Variants in HAUS6 observed in about 807,000 individuals in gnomAD.
The protein encoded by HAUS6 is HAUS augmin-like complex subunit 6.
Under a neutral mutation model 106.8 loss-of-function variants are expected in HAUS6, and 80 were observed. That is an observed-to-expected ratio of 0.75 (90% CI 0.63 to 0.90). The LOEUF (loss-of-function observed/expected upper bound fraction) is 0.90. Among genes scored for constraint, HAUS6 ranks in the 40% least tolerant of loss-of-function variants. The pLI is 0.00. For missense variants in HAUS6, 1,155 were observed against 1,118.1 expected (o/e 1.03, Z -0.47); for synonymous variants, 356 against 379.1 (o/e 0.94, Z 0.71).
chr9:19,080,811 T>C, intron 8 of HAUS6, 139 bp from the exon 9 acceptor site: 1 of 592,866 alleles, frequency 1.7e-6, no homozygotes, highest in Non-Finnish European at 2.9e-6. Flanking sequence ...CTCACACCTG[T>C]AATCCCAGCA....
At chr9:19,068,116 T>C (rs886364632) in intron 12 of HAUS6, among the ~76,000 whole-genome samples, 1 of 151,940 alleles carries the variant, frequency 6.6e-6, no homozygotes, top group Non-Finnish European at 1.5e-5. Context: ...AATATTTAGT[T>C]TGCTCCCTCA....
chr9:19,091,091 G>A (rs1817735038), intron 4 of HAUS6, among the ~76,000 whole-genome samples: 1 of 151,690 alleles, frequency 6.6e-6, no homozygotes, highest in Non-Finnish European at 1.5e-5. Context: ...ACAAGGTCAG[G>A]AGTTCGAGAC....
intron 7 of HAUS6, among the ~76,000 whole-genome samples, chr9:19,085,847 T>C (rs1837280527): frequency 6.6e-6 from 1 of 152,126 alleles, no homozygotes; most frequent in Admixed American, 6.6e-5. Context: ...CTTTTTGTAC[T>C]GGGGTGGAGA....
rs1837196762 is a variant in HAUS6 at position 19,083,000 on chromosome 9, A to C, written c.743T>G (p.Leu248Trp). 3 of 1,589,880 alleles carry C rather than the reference A, an allele frequency of 1.9e-6. No individual in the cohort carries two copies. In the East Asian group the frequency reaches 6.7e-5, roughly 36 times the overall value. The change falls in exon 8 of 17, where the codon TTG becomes TGG. Residue 248 changes from leucine to tryptophan, a missense_variant. Leu to Trp is a moderately conservative substitution (Grantham distance 61). This residue lies in a region of HAUS6 where 761 missense variants were observed against 690.0 expected (regional missense o/e 1.10). Transcript: ENST00000380502. ...WASVNETLMF[L>W]EKEREVVSSV... is the part of the protein sequence containing the mutation. ...ACTAACAACTTCTCTCTCTTTTTCC[A>C]AAAACATGAGCGTTTCATTCACTGA... is the stretch of plus-strand genomic sequence containing the variant.
At chr9:19,060,335 C>G (rs1404050725) in intron 14 of HAUS6, 112 bp from the exon 15 acceptor site, 1 of 748,172 alleles carries the variant, frequency 1.3e-6, no homozygotes, top group African/African-American at 1.8e-5. Flanking sequence ...CCTCCCATTG[C>G]AGACAACACA....
chr9:19,060,941 C>G (rs907617044), intron 14 of HAUS6, among the ~76,000 whole-genome samples: 3 of 152,206 alleles, frequency 2.0e-5, no homozygotes, highest in Non-Finnish European at 4.4e-5. Flanking sequence ...ACGGTCGGAT[C>G]ACTTCAGGTC....
intron 16 of HAUS6, 168 bp downstream of exon 16, chr9:19,057,793 G>T (rs1180004789): frequency 7.5e-6 from 4 of 536,212 alleles, no homozygotes; most frequent in Admixed American, 3.2e-5. Flanking sequence ...CATAAACAGA[G>T]ATTCTGAAAG....
chr9:19,084,228 A>G (rs1270974600), intron 7 of HAUS6, among the ~76,000 whole-genome samples: 3 of 152,196 alleles, frequency 2.0e-5, no homozygotes, highest in Non-Finnish European at 4.4e-5. Context: ...GCATGGATAA[A>G]TATCATAAAC....
At chr9:19,096,846 CTT>C (rs1817875814) in intron 1 of HAUS6, 77 bp from the exon 2 acceptor site, 1 of 634,734 alleles carries the variant, frequency 1.6e-6, no homozygotes, top group African/African-American at 2.0e-5. Context: ...CTGAGTAAGA[CTT>C]TGACACAAAT....
At chr9:19,083,870 T>G (rs999183290) in intron 7 of HAUS6, among the ~76,000 whole-genome samples, 5 of 151,882 alleles carry the variant, frequency 3.3e-5, no homozygotes, top group African/African-American at 1.2e-4. Flanking sequence ...TCATTCAGTT[T>G]GAGGAAGTTA....
chr9:19,101,475 A>G (rs573357870), intron 1 of HAUS6, among the ~76,000 whole-genome samples: 2 of 152,046 alleles, frequency 1.3e-5, no homozygotes, highest in East Asian at 1.9e-4. Flanking sequence ...TGGGCGACAG[A>G]GTGGGAGACC....
intron 9 of HAUS6, 31 bp downstream of exon 9, chr9:19,080,448 C>A: frequency 6.9e-7 from 1 of 1,448,254 alleles, no homozygotes; most frequent in Non-Finnish European, 9.7e-7. Flanking sequence ...CTACTCCTCC[C>A]ACAGTAAAAT....
At chr9:19,062,162 T>C (rs1481650549) in intron 14 of HAUS6, among the ~76,000 whole-genome samples, 4 of 152,168 alleles carry the variant, frequency 2.6e-5, no homozygotes, top group Non-Finnish European at 5.9e-5. Flanking sequence ...AAAAGCAGAA[T>C]AGTGTTAAGG....
At chr9:19,089,332 G>C (rs1817695952) in intron 5 of HAUS6, 80 bp downstream of exon 5, 7 of 882,832 alleles carry the variant, frequency 7.9e-6, no homozygotes, top group South Asian at 1.5e-5. Context: ...GGTAGGCATG[G>C]ATTATTTCTC....
At chr9:19,072,075 A>G (rs1836892368) in intron 11 of HAUS6, among the ~76,000 whole-genome samples, 2 of 151,986 alleles carry the variant, frequency 1.3e-5, no homozygotes, top group African/African-American at 4.8e-5. Context: ...CTGTAATCCC[A>G]GCTACTTGGA....
chr9:19,099,859 C>A (rs903171835), intron 1 of HAUS6, among the ~76,000 whole-genome samples: 2 of 152,086 alleles, frequency 1.3e-5, no homozygotes, highest in African/African-American at 4.8e-5. Context: ...AGACCAGCCT[C>A]CACAACACAG....
intron 4 of HAUS6, among the ~76,000 whole-genome samples, chr9:19,090,004 T>A (rs1465415759): frequency 6.6e-6 from 1 of 151,998 alleles, no homozygotes; most frequent in African/African-American, 2.4e-5. Context: ...AGCTAGTTTT[T>A]TTTTTATTAT....
At chr9:19,096,795 T>TAGAAAA in intron 1 of HAUS6, 26 bp from the exon 2 acceptor site, 1 of 1,125,370 alleles carries the variant, frequency 8.9e-7, no homozygotes, top group East Asian at 2.5e-5. Context: ...GAAATAGAAA[T>TAGAAAA]AGAAAAAGAA....
chr9:19,065,636 T>G (rs1030022540), intron 12 of HAUS6, among the ~76,000 whole-genome samples: 5 of 151,892 alleles, frequency 3.3e-5, no homozygotes, highest in East Asian at 1.9e-4. Flanking sequence ...AGGTCAGGAG[T>G]TGAAGACCAG....
Sources: allele counts gnomAD v4.1 joint callset (sites outside exome capture counted in the v4.1 genomes callset), GRCh38; gene constraint gnomAD v4.1.1; regional missense constraint gnomAD v4.1.1; transcripts MANE v1.5; gene names NCBI Gene and HGNC (gene_info 2026-07-23, HGNC 2026-07-21).